Variants in TENM3 observed in about 807,000 individuals in gnomAD.
TENM3 encodes the protein teneurin-3.
Under a neutral mutation model 255.1 loss-of-function variants are expected in TENM3, and 63 were observed. That is an observed-to-expected ratio of 0.25 (90% CI 0.20 to 0.30). The LOEUF (loss-of-function observed/expected upper bound fraction) is 0.30. Among genes scored for constraint, TENM3 ranks in the 10% least tolerant of loss-of-function variants. The probability of loss-of-function intolerance (pLI) is 1.00; values close to 1 mark genes in which losing one functional copy is unlikely to be tolerated. For missense variants in TENM3, 2,929 were observed against 3,461.1 expected (o/e 0.85, Z 3.86); for synonymous variants, 1,306 against 1,322.3 (o/e 0.99, Z 0.27).
At chr4:182,023,293 C>G in the TENM3 span, among the ~76,000 whole-genome samples, 1 of 152,192 alleles carries the variant, frequency 6.6e-6, no homozygotes. Context: ...TGATATAAGA[C>G]ACTTGGGAGT....
At chr4:182,713,914 A>G (rs1362363328) in intron 12 of TENM3, among the ~76,000 whole-genome samples, 173 bp from the exon 13 acceptor site, 2 of 152,216 alleles carry the variant, frequency 1.3e-5, no homozygotes, top group Admixed American at 1.3e-4. Context: ...CAAAGATGCC[A>G]CTTGGATAAG....
At chr4:182,393,889 T>C (rs1768615974) in intron 3 of TENM3, among the ~76,000 whole-genome samples, 1 of 152,166 alleles carries the variant, frequency 6.6e-6, no homozygotes, top group South Asian at 2.1e-4. Flanking sequence ...GGATATCAGA[T>C]ACCAACTGAA....
At chr4:182,343,979 T>C (rs1381611003) in intron 2 of TENM3, among the ~76,000 whole-genome samples, 4 of 152,184 alleles carry the variant, frequency 2.6e-5, no homozygotes, top group Non-Finnish European at 5.9e-5. Flanking sequence ...ACTTTGGTGG[T>C]GGTGTTGCTA....
rs868052623 is a variant in TENM3, at chr4:182,692,959, G to A, written c.2221+4608G>A. On this transcript the variant is annotated intron_variant, in intron 12 of 27. Transcript: ENST00000511685. ...TCTCTTGCAGTTCTAGGATTTTTTC[G>A]CTGTTGATAATTTCTGCTTTATTTG... 3.3e-5 allele frequency among the ~76,000 whole-genome samples: 5 copies of A among 151,794 alleles called. No individual in the cohort carries two copies. The East Asian group carries it at 5.8e-4, about 18-fold the overall frequency.
intron 1 of TENM3, among the ~76,000 whole-genome samples, chr4:182,319,809 T>A (rs1328354215): frequency 6.6e-6 from 1 of 152,176 alleles, no homozygotes; most frequent in African/African-American, 2.4e-5. Context: ...GAATACTTTT[T>A]GCCCTTGAAG....
intron 3 of TENM3, among the ~76,000 whole-genome samples, chr4:182,527,391 A>G (rs1286995087): frequency 2.0e-5 from 3 of 152,158 alleles, no homozygotes; most frequent in African/African-American, 7.2e-5. Context: ...AAGAATCGTT[A>G]GACTTTAAAT....
rs971607 is a variant in TENM3, at chr4:182,609,167, A to T, written c.749+8006A>T. The stretch of plus-strand genomic sequence containing the variant: ...GCACAGATTAATTTTTTAGTTTTTT[A>T]AATTTTTGTAGAGACTGGGTCTGCT... On this transcript the variant is annotated intron_variant, in intron 4 of 27. Coordinates refer to ENST00000511685, the MANE Select transcript of TENM3 (RefSeq NM_001080477.4). Among the ~76,000 whole-genome samples the T allele has an allele frequency of 4.4e-3, 667 of 152,170 alleles. 2 individuals are homozygous for T. Among genetic ancestry groups the T allele is most frequent in the African/African-American group, 0.015 (639 of 41,482 alleles).
chr4:182,595,426 AG>A (rs1420733852), intron 3 of TENM3, among the ~76,000 whole-genome samples: 2 of 152,192 alleles, frequency 1.3e-5, no homozygotes, highest in Admixed American at 1.3e-4. Flanking sequence ...CCATGCCAGC[AG>A]GTCTAACATG....
intron 3 of TENM3, among the ~76,000 whole-genome samples, chr4:182,358,234 G>GT (rs1262289907): frequency 2.8e-5 from 4 of 145,266 alleles, no homozygotes; most frequent in Non-Finnish European, 4.5e-5. Context: ...CTTTAAAGTA[G>GT]TTTTTTCCAA....
At position 182,222,417 on chromosome 4, in the gene TENM3, C is replaced by A. The variant is rs139586539; in HGVS notation, c.-76+77663C>A. On this transcript the variant is annotated intron_variant, in intron 1 of 2. Transcript: ENST00000512480. Reference sequence around the variant, plus strand: ...ACCAACAGCAAAATTCAGATCCAAGCAAACTGGTCAGTGATTCTGTGTGTG... The same window carrying A: ...ACCAACAGCAAAATTCAGATCCAAGAAAACTGGTCAGTGATTCTGTGTGTG... Among the ~76,000 whole-genome samples the A allele has an allele frequency of 2.3e-4, 35 of 152,316 alleles. No homozygotes were observed. In the East Asian group the frequency reaches 6.8e-3, roughly 29 times the overall value.
Position 182,800,299 on chromosome 4 carries a change from A to G in TENM3, c.8048A>G (p.Asp2683Gly). ...GTGGAGCAGTACCCCGAGCTGGCCGACAGCGCCAACAACATCCAGTTCCTG... is the reference window on the plus strand; with the variant it reads ...GTGGAGCAGTACCCCGAGCTGGCCGGCAGCGCCAACAACATCCAGTTCCTG... ...LSVEQYPELA[D>G]SANNIQFLRQ... The change falls in exon 28 of 28, where the codon GAC becomes GGC. Residue 2683 changes from aspartate (D) to glycine (G), a missense_variant. Physicochemically the swap from Asp to Gly is moderately conservative, Grantham distance 94. This residue lies in a region of TENM3 where 476 missense variants were observed against 480.1 expected (regional missense o/e 0.99). Transcript: ENST00000511685. 1 of 1,594,690 alleles carries G rather than the reference A, an allele frequency of 6.3e-7. No individual in the cohort carries two copies. The highest frequency in any genetic ancestry group is 8.5e-7 in the Non-Finnish European group (1 of 1,178,548).
the TENM3 span, among the ~76,000 whole-genome samples, chr4:182,057,379 T>C: frequency 6.6e-6 from 1 of 151,570 alleles, no homozygotes; most frequent in African/African-American, 2.4e-5. Flanking sequence ...AATCTTTCTT[T>C]ATCTTTTATC....
the TENM3 span, among the ~76,000 whole-genome samples, chr4:181,915,475 A>G: frequency 6.6e-6 from 1 of 152,210 alleles, no homozygotes; most frequent in Non-Finnish European, 1.5e-5. Flanking sequence ...TGATAGAAAG[A>G]AAATCACTAT....
chr4:182,449,072 C>T (rs1389123538), intron 3 of TENM3: 2 of 323,316 alleles, frequency 6.2e-6, no homozygotes, highest in South Asian at 4.2e-5. Flanking sequence ...AGCGAGGGCG[C>T]GCCGCGGCAA....
chr4:182,362,009 G>T (rs1283901620), intron 3 of TENM3, among the ~76,000 whole-genome samples: 1 of 152,206 alleles, frequency 6.6e-6, no homozygotes, highest in Non-Finnish European at 1.5e-5. Flanking sequence ...CTGGGTATCA[G>T]CAGCGGTGTC....
intron 1 of TENM3, among the ~76,000 whole-genome samples, chr4:182,145,701 G>A (rs988796319): frequency 1.3e-5 from 2 of 152,198 alleles, no homozygotes; most frequent in East Asian, 1.9e-4. Flanking sequence ...TTCCAGGTAC[G>A]TGTGAGGAGG....
chr4:182,479,392 T>G (rs1031873527), intron 3 of TENM3, among the ~76,000 whole-genome samples: 1 of 151,884 alleles, frequency 6.6e-6, no homozygotes, highest in Admixed American at 6.6e-5. Flanking sequence ...TTCATGAATT[T>G]GACGATTATA....
the TENM3 span, among the ~76,000 whole-genome samples, chr4:181,624,537 G>C: frequency 6.6e-6 from 1 of 152,074 alleles, no homozygotes; most frequent in Admixed American, 6.5e-5. Context: ...TTCTCTGATA[G>C]GACCAGAAGA....
At position 182,415,798 on chromosome 4, in the gene TENM3, T is replaced by A. The variant is rs1021788599; in HGVS notation, c.511+68869T>A. Among the ~76,000 whole-genome samples the A allele has an allele frequency of 7.2e-5, 11 of 152,092 alleles. 1 individual carries two copies. Among genetic ancestry groups the A allele is most frequent in the Non-Finnish European group, 1.6e-4 (11 of 68,004 alleles). ...AATTATTTCAGAGTGAAACTTGACA[T>A]GTAATTTAGCTGCAGTTTTTTCAAT... is the stretch of plus-strand genomic sequence containing the variant. On this transcript the variant is annotated intron_variant, in intron 3 of 27. Coordinates refer to ENST00000511685, the MANE Select transcript of TENM3 (RefSeq NM_001080477.4).
Sources: gnomAD v4.1 joint callset for allele counts (sites outside exome capture counted in the v4.1 genomes callset) on GRCh38, gnomAD v4.1.1 for gene constraint, gnomAD v4.1.1 regional missense constraint, MANE v1.5 for transcripts, NCBI Gene and HGNC (gene_info 2026-07-23, HGNC 2026-07-21) for gene names.